SPAG16: variants seen among roughly 807,000 people sequenced by gnomAD.
SPAG16 encodes the protein sperm associated antigen 16.
A neutral mutation model predicts 80.4 loss-of-function variants in SPAG16; 86 were observed. The observed-to-expected ratio is 1.07, with a 90% CI of 0.90 to 1.28. SPAG16 has a LOEUF of 1.28. Ranked by LOEUF, SPAG16 falls within the 50% of genes most tolerant of loss-of-function variation. The pLI is 0.00. For synonymous variants in SPAG16, 294 were observed against 265.9 expected (o/e 1.11, Z -1.03); for missense variants, 870 against 765.3 (o/e 1.14, Z -1.61).
intron 13 of SPAG16, among the ~76,000 whole-genome samples, chr2:214,089,992 C>T (rs1009115839): frequency 6.6e-6 from 1 of 152,010 alleles, no homozygotes; most frequent in African/African-American, 2.4e-5. Flanking sequence ...GCCTGCCATT[C>T]TAATACACTG....
intron 10 of SPAG16, among the ~76,000 whole-genome samples, chr2:213,678,413 A>G (rs573435830): frequency 9.0e-4 from 136 of 151,252 alleles, no homozygotes; most frequent in Middle Eastern, 3.4e-3. Flanking sequence ...TCAAATAGAC[A>G]CAATAAAAAA....
chr2:214,046,669 G>A (rs2049342047), intron 13 of SPAG16, among the ~76,000 whole-genome samples: 1 of 152,100 alleles, frequency 6.6e-6, no homozygotes. Flanking sequence ...ATTCAACATA[G>A]TGCTGGAAGT....
chr2:214,006,036 A>G (rs552843384), intron 12 of SPAG16, among the ~76,000 whole-genome samples: 12 of 152,310 alleles, frequency 7.9e-5, no homozygotes, highest in Non-Finnish European at 1.3e-4. Flanking sequence ...TATAAATGCT[A>G]TTTAAAATCC....
chr2:214,199,873 G>A (rs1049056819), intron 15 of SPAG16, among the ~76,000 whole-genome samples: 1 of 152,118 alleles, frequency 6.6e-6, no homozygotes, highest in African/African-American at 2.4e-5. Flanking sequence ...TTGTAAAAGG[G>A]ATTAAGTTCT....
intron 15 of SPAG16, among the ~76,000 whole-genome samples, chr2:214,362,986 T>G (rs1193938103): frequency 6.6e-6 from 1 of 151,928 alleles, no homozygotes; most frequent in Non-Finnish European, 1.5e-5. Context: ...TCAATGTTCT[T>G]GAACTATTCT....
chr2:213,426,803 G>T (rs1229617299), intron 9 of SPAG16, among the ~76,000 whole-genome samples: 3 of 125,392 alleles, frequency 2.4e-5, no homozygotes, highest in African/African-American at 8.7e-5. Flanking sequence ...ATATTTAAAA[G>T]GATGAACTTT....
intron 15 of SPAG16, chr2:214,280,844 A>G: frequency 2.3e-6 from 1 of 434,514 alleles, no homozygotes; most frequent in Non-Finnish European, 4.4e-6. Flanking sequence ...CGTTCTTTAT[A>G]TATTGAGAGG....
intron 12 of SPAG16, among the ~76,000 whole-genome samples, chr2:213,943,178 C>A (rs1032667619): frequency 1.3e-5 from 2 of 152,234 alleles, no homozygotes; most frequent in East Asian, 1.9e-4. Flanking sequence ...ACAGCCCAAA[C>A]TGACTAAGAT....
At chr2:214,177,359 A>G (rs1459384106) in intron 15 of SPAG16, among the ~76,000 whole-genome samples, 1 of 151,094 alleles carries the variant, frequency 6.6e-6, no homozygotes, top group Non-Finnish European at 1.5e-5. Flanking sequence ...CTTTAAAAAG[A>G]TTGACTTAAT....
At chr2:213,574,667 A>G (rs2060054008) in intron 10 of SPAG16, among the ~76,000 whole-genome samples, 1 of 139,848 alleles carries the variant, frequency 7.2e-6, no homozygotes, top group Non-Finnish European at 1.5e-5. Context: ...ATGATATATG[A>G]TATATATATG....
At chr2:213,862,402 A>G in intron 10 of SPAG16, 83 bp from the exon 11 acceptor site, 1 of 1,532,660 alleles carries the variant, frequency 6.5e-7, no homozygotes, top group Non-Finnish European at 8.9e-7. Flanking sequence ...AAAATCGGAT[A>G]ATCACTGCCA....
intron 10 of SPAG16, among the ~76,000 whole-genome samples, chr2:213,740,892 A>C (rs2067519245): frequency 6.6e-6 from 1 of 152,214 alleles, no homozygotes; most frequent in African/African-American, 2.4e-5. Flanking sequence ...GTGACTGCTG[A>C]GGCAATAGAA....
chr2:213,900,059 C>G (rs1290786361), intron 11 of SPAG16, among the ~76,000 whole-genome samples: 2 of 152,080 alleles, frequency 1.3e-5, no homozygotes, highest in Non-Finnish European at 2.9e-5. Flanking sequence ...CTTTGTTGAC[C>G]TAGAATGCAT....
intron 10 of SPAG16, among the ~76,000 whole-genome samples, chr2:213,691,570 A>G (rs1022217363): frequency 3.3e-5 from 5 of 152,148 alleles, no homozygotes; most frequent in African/African-American, 1.2e-4. Context: ...ATCAGCTAAA[A>G]CACAGTAATA....
intron 15 of SPAG16, among the ~76,000 whole-genome samples, chr2:214,179,408 G>A (rs1338435021): frequency 6.6e-6 from 1 of 151,390 alleles, no homozygotes; most frequent in Non-Finnish European, 1.5e-5. Context: ...GAAGAAACCA[G>A]TTACCTGTAG....
intron 9 of SPAG16, among the ~76,000 whole-genome samples, chr2:213,441,234 T>TA (rs1472210685): frequency 6.6e-6 from 1 of 152,182 alleles, no homozygotes; most frequent in African/African-American, 2.4e-5. Flanking sequence ...TTGAAATAGA[T>TA]ACACATTGGT....
At chr2:213,419,501 G>C (rs1472408784) in intron 9 of SPAG16, among the ~76,000 whole-genome samples, 1 of 152,048 alleles carries the variant, frequency 6.6e-6, no homozygotes, top group Non-Finnish European at 1.5e-5. Context: ...CACATGCTGA[G>C]ATTTGTAGTA....
intron 13 of SPAG16, among the ~76,000 whole-genome samples, chr2:214,035,897 T>C (rs2048671506): frequency 1.3e-5 from 2 of 152,158 alleles, no homozygotes; most frequent in Admixed American, 1.3e-4. Flanking sequence ...GCCAGCTCCA[T>C]GGAGTGCACA....
At chr2:213,323,440 CA>C (rs56037152) in intron 5 of SPAG16, among the ~76,000 whole-genome samples, 134,296 of 150,874 alleles carry the variant, frequency 0.89, 61,725 homozygotes, top group East Asian at 1. Flanking sequence ...GACTCCGTCT[CA>C]AAAAAAAAAT....
Sources: allele counts gnomAD v4.1 joint callset (sites outside exome capture counted in the v4.1 genomes callset), GRCh38; gene constraint gnomAD v4.1.1; transcripts MANE v1.5; gene names NCBI Gene and HGNC (gene_info 2026-07-23, HGNC 2026-07-21).